EHMT1: variants seen among roughly 807,000 people sequenced by gnomAD.
EHMT1 encodes histone-lysine N-methyltransferase EHMT1.
A neutral mutation model predicts 147.2 loss-of-function variants in EHMT1; 15 were observed. That is an observed-to-expected ratio of 0.10 (90% CI 0.07 to 0.16). The LOEUF (loss-of-function observed/expected upper bound fraction) is 0.16. Among genes scored for constraint, EHMT1 ranks in the 10% least tolerant of loss-of-function variants. The pLI is 1.00. For missense variants in EHMT1, 1,587 were observed against 1,772.4 expected, an observed-to-expected ratio of 0.90 and a Z score of 1.88; for synonymous variants, 795 against 709.6, an observed-to-expected ratio of 1.12 and a Z score of -1.91.
chr9:137,779,543 T>TG, intron 13 of EHMT1, 92 bp from the exon 14 acceptor site: 1 of 1,364,792 alleles, frequency 7.3e-7, no homozygotes, highest in Non-Finnish European at 1.0e-6. Flanking sequence ...CTTGAGGGGC[T>TG]GGTGGGGAGA....
At chr9:137,713,579 T>C (rs1231386738) in intron 2 of EHMT1, among the ~76,000 whole-genome samples, 1 of 151,454 alleles carries the variant, frequency 6.6e-6, no homozygotes, top group Non-Finnish European at 1.5e-5. Flanking sequence ...CCCCTAAGTA[T>C]TATATTTTTT....
intron 1 of EHMT1, among the ~76,000 whole-genome samples, chr9:137,622,779 T>C (rs1221761540): frequency 6.6e-6 from 1 of 151,744 alleles, no homozygotes; most frequent in Non-Finnish European, 1.5e-5. Flanking sequence ...TGGTGGTATG[T>C]GCCTGTAGTC....
In EHMT1 at chr9:137,705,329, G is replaced by A. The variant is rs373082904; in HGVS notation, c.22-5638G>A. Among the ~76,000 whole-genome samples, 49 of 152,316 alleles carry A rather than the reference G, an allele frequency of 3.2e-4. No individual in the cohort carries two copies. In the East Asian group the frequency reaches 9.1e-3, roughly 28 times the overall value. On this transcript the variant is annotated intron_variant, in intron 1 of 26. Coordinates refer to ENST00000460843, the MANE Select transcript of EHMT1 (RefSeq NM_024757.5). ...TAACTTGCGTTTGAAAGTTGGACAT[G>A]AAATCTCCTGAGTGTTCTTGAGTTT... is the stretch of plus-strand genomic sequence containing the variant.
At chr9:137,666,753 T>A (rs1469134662) in intron 1 of EHMT1, among the ~76,000 whole-genome samples, 2 of 152,156 alleles carry the variant, frequency 1.3e-5, no homozygotes, top group Non-Finnish European at 2.9e-5. Flanking sequence ...GGAGACTCCA[T>A]TTTCCGTGGA....
intron 1 of EHMT1, among the ~76,000 whole-genome samples, chr9:137,638,742 T>TAA (rs71387854): frequency 1.6e-4 from 24 of 147,948 alleles, no homozygotes; most frequent in Admixed American, 5.4e-4. Flanking sequence ...CGTGTCCTCA[T>TAA]AAAAAAAAAA....
chr9:137,776,744 G>A lies in EHMT1; in HGVS notation c.1918G>A (p.Val640Met), dbSNP rs1950992039. The A allele has an allele frequency of 3.7e-6, 6 of 1,614,114 alleles. No individual in the cohort carries two copies. The highest frequency in any genetic ancestry group is 5.1e-6 in the Non-Finnish European group (6 of 1,180,030). Residue 640 changes from valine (V) to methionine (M), a missense_variant, in exon 12 of 27, where the codon GTG (valine) becomes ATG (methionine). Physicochemically the swap from Val to Met is conservative, Grantham distance 21. This residue lies in a region of EHMT1 where 124 missense variants were observed against 197.8 expected (regional missense o/e 0.63). Transcript: ENST00000460843. The surrounding 1 kb of genome is among the most constrained non-coding windows in gnomAD (Gnocchi z 4.4). Reference protein sequence around the residue: ...CGEESSKAKEVTIAKADTTST... With the variant: ...CGEESSKAKEMTIAKADTTST... ...GGAGGAGAGCTCCAAGGCCAAAGAG[G>A]TGACGATAGCTAAAGCAGACACCAC...
At chr9:137,795,105 AGCATTGAAGCCAG>A (rs1952798830) in intron 16 of EHMT1, 2 of 152,186 alleles carry the variant, frequency 1.3e-5, no homozygotes, top group South Asian at 4.1e-4. Flanking sequence ...GACTTCTTCA[AGCATTGAAGCCAG>A]TTTACCACAG....
chr9:137,818,098 T>G lies in EHMT1; in HGVS notation c.3500T>G (p.Val1167Gly). 1 of 1,614,128 alleles carries G rather than the reference T, an allele frequency of 6.2e-7. No individual in the cohort carries two copies. The highest frequency in any genetic ancestry group is 8.5e-7 in the Non-Finnish European group (1 of 1,180,024). Residue 1167 changes from valine (V) to glycine (G), a missense_variant, in exon 25 of 27, where the codon GTT (valine) becomes GGT (glycine). Val to Gly is a moderately radical substitution (Grantham distance 109, BLOSUM62 -3). Coordinates refer to ENST00000460843, the MANE Select transcript of EHMT1 (RefSeq NM_024757.5). Reference protein sequence around the residue: ...GELISDSEADVREEDSYLFDL... With the variant: ...GELISDSEADGREEDSYLFDL... ...CTGATTTCAGACTCAGAAGCCGACG[T>G]TCGAGAGGAAGATTCTTACCTCTTT...
At chr9:137,769,759 T>G (rs879235828) in intron 10 of EHMT1, among the ~76,000 whole-genome samples, 1 of 152,252 alleles carries the variant, frequency 6.6e-6, no homozygotes, top group East Asian at 1.9e-4. Flanking sequence ...TCGCTGAGCT[T>G]CTTGGATCTT....
chr9:137,668,896 C>T (rs765571122), intron 1 of EHMT1, among the ~76,000 whole-genome samples: 2 of 148,254 alleles, frequency 1.3e-5, no homozygotes, highest in South Asian at 2.1e-4. Context: ...AAGTTGTTTT[C>T]TTTTTTTGGA....
Position 137,782,434 on chromosome 9 carries a change from T to A in EHMT1, c.2382+37T>A, listed in dbSNP as rs1564751654. Reference sequence around the variant, plus strand: ...CGGCGCCCTCCTAGGGCTCTTCACCTGCTCTCTTTTATTTTTACCAAAGTA... The same window carrying A: ...CGGCGCCCTCCTAGGGCTCTTCACCAGCTCTCTTTTATTTTTACCAAAGTA... On this transcript the variant is annotated intron_variant, in intron 15 of 26. Transcript: ENST00000460843. This position sits in a 1 kb window ranked among gnomAD's most constrained non-coding sequence, Gnocchi z 5.7. 1 of 1,543,612 alleles carries A rather than the reference T, an allele frequency of 6.5e-7. No homozygotes were observed. The highest frequency in any genetic ancestry group is 8.8e-7 in the Non-Finnish European group (1 of 1,138,572).
chr9:137,817,160 G>T (rs1954983140), intron 23 of EHMT1: 1 of 518,792 alleles, frequency 1.9e-6, no homozygotes, highest in Non-Finnish European at 3.5e-6. Context: ...CCCAGGCCCA[G>T]CTCTGTCCCC....
rs112225072 is a variant in EHMT1 at position 137,680,302 on chromosome 9, C to T, written c.22-30665C>T. On this transcript the variant is annotated intron_variant, in intron 1 of 26. Coordinates refer to ENST00000460843, the MANE Select transcript of EHMT1 (RefSeq NM_024757.5). ...CAGCCTGGCTAACATGGAGAAACCC[C>T]GTCTCTACTAAAAATACAAATTTAG... Among the ~76,000 whole-genome samples the T allele has an allele frequency of 2.2e-4, 33 of 151,958 alleles. 1 individual carries two copies. Among genetic ancestry groups the T allele is most frequent in the African/African-American group, 7.0e-4 (29 of 41,444 alleles).
At chr9:137,765,027 G>A (rs542977971) in intron 10 of EHMT1, among the ~76,000 whole-genome samples, 26 of 152,342 alleles carry the variant, frequency 1.7e-4, no homozygotes, top group Admixed American at 5.2e-4. Flanking sequence ...GTGGAGGTTC[G>A]TGCGCTGGGA....
intron 16 of EHMT1, among the ~76,000 whole-genome samples, chr9:137,792,705 C>CA (rs1185357448): frequency 2.0e-5 from 3 of 151,490 alleles, no homozygotes; most frequent in South Asian, 2.1e-4. Flanking sequence ...AACTCTGTTT[C>CA]AAAAAAAAGG....
At chr9:137,783,786 C>T (rs1300941387) in intron 15 of EHMT1, among the ~76,000 whole-genome samples, 1 of 152,244 alleles carries the variant, frequency 6.6e-6, no homozygotes, top group Non-Finnish European at 1.5e-5. Context: ...CACCCGCTGT[C>T]CAGCTGCCTC....
intron 1 of EHMT1, among the ~76,000 whole-genome samples, chr9:137,657,851 C>T (rs1411550978): frequency 1.4e-5 from 2 of 147,990 alleles, no homozygotes; most frequent in Non-Finnish European, 3.0e-5. Flanking sequence ...CATCCTTCTA[C>T]TTTTTTTTTT....
intron 9 of EHMT1, among the ~76,000 whole-genome samples, chr9:137,761,847 A>T (rs2136339855): frequency 6.6e-6 from 1 of 152,358 alleles, no homozygotes; most frequent in Middle Eastern, 3.4e-3. Context: ...TTTAACAAAA[A>T]AGAAAACGTG....
chr9:137,751,041 C>T (rs1026067845), intron 6 of EHMT1, among the ~76,000 whole-genome samples: 5 of 152,186 alleles, frequency 3.3e-5, no homozygotes, highest in African/African-American at 1.2e-4. Context: ...TATGAAAAAC[C>T]ACTGAACCGT....
Sources: gnomAD v4.1 joint callset for allele counts (sites outside exome capture counted in the v4.1 genomes callset) on GRCh38, gnomAD v4.1.1 for gene constraint, gnomAD v4.1.1 regional missense constraint, Gnocchi (gnomAD v3.1) non-coding constraint, MANE v1.5 for transcripts, NCBI Gene and HGNC (gene_info 2026-07-23, HGNC 2026-07-21) for gene names.